The following IQUB variants were observed in gnomAD, a reference collection of about 807,000 sequenced individuals.
The protein encoded by IQUB is IQ motif and ubiquitin domain containing.
A neutral mutation model predicts 86.4 loss-of-function variants in IQUB; 86 were observed. The observed-to-expected ratio is 1.00, with a 90% CI of 0.84 to 1.19. The LOEUF is 1.19. Among genes scored for constraint, IQUB ranks in the 50% most tolerant of loss-of-function variants. The pLI, the probability that IQUB is intolerant of heterozygous loss-of-function variation, is 0.00. For missense variants in IQUB, 946 were observed against 916.9 expected (o/e 1.03, Z -0.41); for synonymous variants, 289 against 304.5 (o/e 0.95, Z 0.53).
chr7:123,472,927 A>C (rs1477995810), intron 8 of IQUB, among the ~76,000 whole-genome samples: 1 of 152,242 alleles, frequency 6.6e-6, no homozygotes, highest in Non-Finnish European at 1.5e-5. Context: ...GGAGCATAAT[A>C]AATTCCATTT....
chr7:123,504,756 C>T (rs1279307195), intron 3 of IQUB, among the ~76,000 whole-genome samples: 6 of 152,112 alleles, frequency 3.9e-5, no homozygotes, highest in Non-Finnish European at 8.8e-5. Flanking sequence ...TGGGAGAGGA[C>T]ACAAATCCAA....
chr7:123,533,899 T>A (rs1023981777), intron 1 of IQUB, among the ~76,000 whole-genome samples: 1 of 152,222 alleles, frequency 6.6e-6, no homozygotes, highest in Non-Finnish European at 1.5e-5. Flanking sequence ...GCAACCTCTA[T>A]CATGTTTGCA....
chr7:123,527,694 T>C (rs1177492764), intron 1 of IQUB, among the ~76,000 whole-genome samples: 1 of 152,184 alleles, frequency 6.6e-6, no homozygotes, highest in East Asian at 1.9e-4. Context: ...AGCTGCGTGC[T>C]GGGAGAACCA....
intron 7 of IQUB, among the ~76,000 whole-genome samples, chr7:123,491,874 A>G (rs1284257323): frequency 1.3e-5 from 2 of 152,232 alleles, no homozygotes; most frequent in African/African-American, 4.8e-5. Context: ...AAAGTCACAG[A>G]TCAATATCCC....
At chr7:123,487,250 G>A (rs1238969204) in intron 7 of IQUB, among the ~76,000 whole-genome samples, 1 of 152,158 alleles carries the variant, frequency 6.6e-6, no homozygotes, top group Non-Finnish European at 1.5e-5. Flanking sequence ...GGAACTATGA[G>A]TCAATTTAAT....
intron 7 of IQUB, among the ~76,000 whole-genome samples, chr7:123,492,897 C>T (rs1432915298): frequency 6.6e-6 from 1 of 152,160 alleles, no homozygotes; most frequent in African/African-American, 2.4e-5. Context: ...GACAAGATCC[C>T]TTCACTTCTA....
intron 8 of IQUB, among the ~76,000 whole-genome samples, chr7:123,474,551 T>G (rs766827274): frequency 6.6e-6 from 1 of 152,212 alleles, no homozygotes; most frequent in Non-Finnish European, 1.5e-5. Flanking sequence ...GTCTTCTTAG[T>G]ATAGAATCAT....
intron 7 of IQUB, among the ~76,000 whole-genome samples, chr7:123,487,326 C>T (rs1444207948): frequency 6.6e-6 from 1 of 152,126 alleles, no homozygotes; most frequent in Non-Finnish European, 1.5e-5. Flanking sequence ...CTGGTTAAAA[C>T]AATGAGGAAA....
At chr7:123,485,859 C>T (rs1034347658) in intron 7 of IQUB, among the ~76,000 whole-genome samples, 4 of 152,058 alleles carry the variant, frequency 2.6e-5, no homozygotes, top group South Asian at 2.1e-4. Flanking sequence ...TACAGAGAAA[C>T]GTAATCAAAA....
chr7:123,478,701 T>G (rs1794858345), intron 8 of IQUB, among the ~76,000 whole-genome samples: 1 of 152,108 alleles, frequency 6.6e-6, no homozygotes, highest in Admixed American at 6.6e-5. Flanking sequence ...GGTTGGTGGC[T>G]AGATGGAGAA....
At chr7:123,520,018 C>G (rs1223124530) in intron 1 of IQUB, among the ~76,000 whole-genome samples, 2 of 148,906 alleles carry the variant, frequency 1.3e-5, no homozygotes, top group African/African-American at 5.0e-5. Flanking sequence ...TTACCAGTCC[C>G]CCTTTTAGCT....
intron 12 of IQUB, among the ~76,000 whole-genome samples, chr7:123,454,926 G>A (rs551795260): frequency 1.8e-4 from 28 of 152,032 alleles, no homozygotes; most frequent in African/African-American, 6.5e-4. Flanking sequence ...TACTGTAAAG[G>A]TCCTCCCCTT....
chr7:123,461,452 G>T lies in IQUB; in HGVS notation c.1912C>A (p.Arg638=). 1 of 1,612,126 alleles carries T rather than the reference G, an allele frequency of 6.2e-7. No individual in the cohort carries two copies. Among genetic ancestry groups the T allele is most frequent in the Non-Finnish European group, 8.5e-7 (1 of 1,178,752 alleles). The part of the protein sequence containing the change: ...CINLQNEAQK[R]ESFLKYKCLL... ...CATTTGTACTTCAAAAATGATTCTC[G>T]TTTTTGAGCCTCATTCTGAAGGTTA... Residue 638 remains arginine, a synonymous_variant, in exon 11 of 13, where the codon CGA becomes AGA. Coordinates refer to ENST00000324698, the MANE Select transcript of IQUB (RefSeq NM_178827.5).
chr7:123,463,328 T>C (rs1368135377), intron 10 of IQUB, among the ~76,000 whole-genome samples: 1 of 151,750 alleles, frequency 6.6e-6, no homozygotes, highest in East Asian at 1.9e-4. Flanking sequence ...CAAAAACTCA[T>C]ATCTAGTGCT....
chr7:123,475,981 T>C (rs1302158871), intron 8 of IQUB, among the ~76,000 whole-genome samples: 1 of 152,236 alleles, frequency 6.6e-6, no homozygotes, highest in Non-Finnish European at 1.5e-5. Flanking sequence ...AAAATGACAG[T>C]ATCTACATTA....
intron 2 of IQUB, among the ~76,000 whole-genome samples, chr7:123,511,537 C>A (rs529422490): frequency 1.3e-5 from 2 of 152,222 alleles, no homozygotes; most frequent in East Asian, 1.9e-4. Flanking sequence ...GGATACGAAA[C>A]TAGAAAAATC....
At chr7:123,507,098 C>T (rs2117231851) in intron 3 of IQUB, among the ~76,000 whole-genome samples, 1 of 152,282 alleles carries the variant, frequency 6.6e-6, no homozygotes, top group African/African-American at 2.4e-5. Context: ...GGAATGTGAA[C>T]ACTGCAAAAG....
intron 9 of IQUB, among the ~76,000 whole-genome samples, chr7:123,467,657 ATACTT>A (rs1235533737): frequency 6.6e-6 from 1 of 152,190 alleles, no homozygotes; most frequent in Non-Finnish European, 1.5e-5. Context: ...CTGGAATAGA[ATACTT>A]TATAGTTGGC....
At chr7:123,474,225 T>C (rs1398964609) in intron 8 of IQUB, among the ~76,000 whole-genome samples, 1 of 152,226 alleles carries the variant, frequency 6.6e-6, no homozygotes, top group Non-Finnish European at 1.5e-5. Context: ...TAAATGTTTC[T>C]CTGGATGTAT....
Sources: gnomAD v4.1 joint callset for allele counts (sites outside exome capture counted in the v4.1 genomes callset) on GRCh38, gnomAD v4.1.1 for gene constraint, MANE v1.5 for transcripts, NCBI Gene and HGNC (gene_info 2026-07-23, HGNC 2026-07-21) for gene names.